Variants in RIMS2 observed in about 807,000 individuals in gnomAD.
RIMS2 encodes regulating synaptic membrane exocytosis 2.
Under a neutral mutation model 174.4 loss-of-function variants are expected in RIMS2, and 59 were observed. The ratio of observed to expected loss-of-function variants is 0.34; its 90% CI spans 0.27 to 0.42. The LOEUF (loss-of-function observed/expected upper bound fraction) is 0.42, where lower values mean the gene tolerates loss of function less well. RIMS2 is among the 10% of genes least tolerant of loss of function. The pLI is 1.00. For synonymous variants in RIMS2, 606 were observed against 572.5 expected, an observed-to-expected ratio of 1.06 and a Z score of -0.84; for missense variants, 1,620 against 1,666.3, an observed-to-expected ratio of 0.97 and a Z score of 0.48.
intron 19 of RIMS2, among the ~76,000 whole-genome samples, chr8:104,164,586 T>C (rs556089108): frequency 6.6e-6 from 1 of 152,182 alleles, no homozygotes; most frequent in African/African-American, 2.4e-5. Flanking sequence ...ATAAAGAAAA[T>C]GTGGTACATA....
intron 2 of RIMS2, among the ~76,000 whole-genome samples, chr8:103,747,650 G>A (rs969128140): frequency 2.0e-5 from 3 of 151,846 alleles, no homozygotes; most frequent in African/African-American, 7.3e-5. Flanking sequence ...CTTAAAAGTG[G>A]GATAAAAGAG....
At chr8:103,757,006 TGTGTGAGAGAGA>T (rs1390037766) in intron 2 of RIMS2, among the ~76,000 whole-genome samples, 26 of 128,914 alleles carry the variant, frequency 2.0e-4, no homozygotes, top group African/African-American at 7.2e-4. Flanking sequence ...TGTGTGTGTG[TGTGTGAGAGAGA>T]GAGAGAGAGA....
chr8:103,956,465 A>T (rs1475896993), intron 14 of RIMS2, among the ~76,000 whole-genome samples: 2 of 152,220 alleles, frequency 1.3e-5, no homozygotes, highest in Non-Finnish European at 2.9e-5. Context: ...CAACCATCTG[A>T]TCTTTGACAA....
chr8:104,119,364 AC>A (rs2098336156), intron 19 of RIMS2, among the ~76,000 whole-genome samples: 1 of 151,284 alleles, frequency 6.6e-6, no homozygotes, highest in South Asian at 2.1e-4. Context: ...CATCTCAAAA[AC>A]AAAAAAAACA....
At chr8:103,805,187 A>C (rs1185919212) in intron 3 of RIMS2, among the ~76,000 whole-genome samples, 1 of 151,880 alleles carries the variant, frequency 6.6e-6, no homozygotes, top group Non-Finnish European at 1.5e-5. Flanking sequence ...ATTTCTCTTG[A>C]GTGTTTTTGT....
chr8:103,663,156 G>A (rs1342989517), intron 1 of RIMS2, among the ~76,000 whole-genome samples: 1 of 150,310 alleles, frequency 6.7e-6, no homozygotes, highest in East Asian at 1.9e-4. Context: ...GTGACAGAGT[G>A]TGAGATTCTG....
intron 3 of RIMS2, among the ~76,000 whole-genome samples, chr8:103,775,287 A>G (rs1211274645): frequency 2.0e-5 from 3 of 152,126 alleles, no homozygotes; most frequent in Admixed American, 1.3e-4. Context: ...ATAAGATAAA[A>G]TGATGTAAAG....
chr8:103,757,883 G>C (rs2098046685), intron 2 of RIMS2, among the ~76,000 whole-genome samples: 1 of 152,222 alleles, frequency 6.6e-6, no homozygotes, highest in African/African-American at 2.4e-5. Flanking sequence ...ACCAGAAGCT[G>C]ATTGCCAGAG....
At chr8:103,846,307 A>G (rs1441779366) in intron 3 of RIMS2, among the ~76,000 whole-genome samples, 1 of 152,200 alleles carries the variant, frequency 6.6e-6, no homozygotes. Flanking sequence ...ATTCAGGTGC[A>G]TATGCTTTAT....
intron 1 of RIMS2, among the ~76,000 whole-genome samples, chr8:103,690,331 A>G (rs1384880268): frequency 1.3e-5 from 2 of 151,952 alleles, no homozygotes; most frequent in African/African-American, 4.8e-5. Flanking sequence ...TACTCCTGCC[A>G]TTTTGTTTTT....
intron 2 of RIMS2, among the ~76,000 whole-genome samples, chr8:103,704,927 CT>C (rs1365110621): frequency 1.3e-5 from 2 of 151,554 alleles, no homozygotes; most frequent in African/African-American, 2.4e-5. Flanking sequence ...TTTCATTTTT[CT>C]TTTGTGTTTT....
chr8:103,593,564 G>T (rs561988134), intron 1 of RIMS2, among the ~76,000 whole-genome samples: 5 of 151,304 alleles, frequency 3.3e-5, no homozygotes, highest in Non-Finnish European at 5.9e-5. Flanking sequence ...ATATCTGTGT[G>T]AACCCAAATT....
chr8:103,783,318 G>A (rs1280540812), intron 3 of RIMS2, among the ~76,000 whole-genome samples: 1 of 140,812 alleles, frequency 7.1e-6, no homozygotes, highest in Admixed American at 7.2e-5. Flanking sequence ...TGTGCACATT[G>A]TGCAGGTTAG....
intron 3 of RIMS2, chr8:103,768,239 G>T (rs762178204): frequency 1.2e-4 from 58 of 471,070 alleles, no homozygotes; most frequent in Non-Finnish European, 2.1e-4. Context: ...TGAATAATGG[G>T]CTCTTTTTCG....
chr8:103,577,094 G>A (rs1278525694), intron 1 of RIMS2, among the ~76,000 whole-genome samples: 1 of 152,164 alleles, frequency 6.6e-6, no homozygotes, highest in East Asian at 1.9e-4. Context: ...TTAAACTAAA[G>A]AGCTTCTTCA....
chr8:104,061,918 A>G (rs1010337952), intron 19 of RIMS2, among the ~76,000 whole-genome samples: 1 of 152,070 alleles, frequency 6.6e-6, no homozygotes, highest in African/African-American at 2.4e-5. Context: ...ACATTTCTTT[A>G]GGAAAGCTCC....
At chr8:103,504,420 AATTT>A (rs1238244895) in intron 1 of RIMS2, among the ~76,000 whole-genome samples, 12 of 152,172 alleles carry the variant, frequency 7.9e-5, no homozygotes, top group Non-Finnish European at 1.3e-4. Flanking sequence ...AGAAAAACAT[AATTT>A]ATTAAAAGTT....
At chr8:104,137,629 G>A (rs2098532080) in intron 19 of RIMS2, among the ~76,000 whole-genome samples, 1 of 152,130 alleles carries the variant, frequency 6.6e-6, no homozygotes. Context: ...AAGATACTTA[G>A]AAGAGAAGCA....
intron 2 of RIMS2, among the ~76,000 whole-genome samples, chr8:103,761,622 TG>T (rs1365321178): frequency 6.6e-6 from 1 of 152,226 alleles, no homozygotes; most frequent in East Asian, 1.9e-4. Flanking sequence ...AGAATATAAT[TG>T]TATGGTCATA....
Sources: gnomAD v4.1 joint callset for allele counts (sites outside exome capture counted in the v4.1 genomes callset) on GRCh38, gnomAD v4.1.1 for gene constraint, MANE v1.5 for transcripts, NCBI Gene and HGNC (gene_info 2026-07-23, HGNC 2026-07-21) for gene names.